Variants in SORCS3 observed in about 807,000 individuals in gnomAD.
SORCS3 encodes the protein VPS10 domain-containing receptor SorCS3.
A neutral mutation model predicts 146.3 loss-of-function variants in SORCS3; 57 were observed. That is an observed-to-expected ratio of 0.39 (90% CI 0.31 to 0.49). The LOEUF is 0.49. Ranked by LOEUF, SORCS3 falls within the 20% of genes least tolerant of loss-of-function variation. The pLI is 0.92. For synonymous variants in SORCS3, 653 were observed against 618.5 expected (o/e 1.06, Z -0.83); for missense variants, 1,341 against 1,575.5 (o/e 0.85, Z 2.52).
At chr10:104,822,608 C>A (rs2017887214) in intron 1 of SORCS3, among the ~76,000 whole-genome samples, 2 of 152,180 alleles carry the variant, frequency 1.3e-5, no homozygotes, top group Admixed American at 1.3e-4. Context: ...CAACCCAGAT[C>A]ACTTTCTGGT....
rs139738346 is a variant in SORCS3 at position 105,098,132 on chromosome 10, A to G, written c.1094-7265A>G. Among the ~76,000 whole-genome samples, 15 of 152,316 alleles carry G rather than the reference A, an allele frequency of 9.8e-5. No homozygotes were observed. The East Asian group carries it at 2.9e-3, about 29-fold the overall frequency. On this transcript the variant is annotated intron_variant, in intron 6 of 26. Coordinates refer to ENST00000369701, the MANE Select transcript of SORCS3 (RefSeq NM_014978.3). ...TAGATACATATATTATTGGCTCTTT[A>G]AAATATTGATTAATTCAATAACTTT...
chr10:105,037,160 T>A (rs1291226956), intron 4 of SORCS3, among the ~76,000 whole-genome samples: 1 of 152,082 alleles, frequency 6.6e-6, no homozygotes, highest in Non-Finnish European at 1.5e-5. Context: ...AAATGCACAG[T>A]ACAAAGAAAT....
At chr10:104,781,689 G>T (rs958675938) in intron 1 of SORCS3, among the ~76,000 whole-genome samples, 1 of 152,238 alleles carries the variant, frequency 6.6e-6, no homozygotes. Flanking sequence ...GTATCATTGT[G>T]CCTTGCTAAT....
At chr10:105,140,093 G>T (rs1377530815) in intron 8 of SORCS3, among the ~76,000 whole-genome samples, 1 of 152,156 alleles carries the variant, frequency 6.6e-6, no homozygotes, top group Non-Finnish European at 1.5e-5. Context: ...ATGGACCTTA[G>T]AACCTCAGTG....
At chr10:104,684,284 C>A (rs2016015629) in intron 1 of SORCS3, among the ~76,000 whole-genome samples, 1 of 152,232 alleles carries the variant, frequency 6.6e-6, no homozygotes, top group African/African-American at 2.4e-5. Flanking sequence ...GCATGCCTGG[C>A]ATGTGGCAGG....
chr10:104,886,842 A>G (rs1373369504), intron 2 of SORCS3, among the ~76,000 whole-genome samples: 4 of 152,176 alleles, frequency 2.6e-5, no homozygotes, highest in Non-Finnish European at 5.9e-5. Flanking sequence ...TTTTCTTTCC[A>G]CAATTTACCC....
chr10:105,025,141 G>A (rs2055218690), intron 4 of SORCS3, among the ~76,000 whole-genome samples: 1 of 152,198 alleles, frequency 6.6e-6, no homozygotes, highest in African/African-American at 2.4e-5. Flanking sequence ...TTCCTCAAGA[G>A]AGCTGTTTTC....
In SORCS3 at chr10:105,168,741, GAAA is replaced by G; in HGVS notation, c.1901+1393_1901+1395del. On this transcript the variant is annotated intron_variant, in intron 13 of 26. Transcript: ENST00000369701. ...TTGACCATTTTAAGTGAAACCGTAT[GAAA>G]TCGCCATTTTTAGGTCAAAAATGAT... 2.0e-5 allele frequency among the ~76,000 whole-genome samples: 3 copies of G among 152,224 alleles called. No homozygotes were observed. In the Middle Eastern group the frequency reaches 0.01, roughly 518 times the overall value.
intron 14 of SORCS3, 132 bp from the exon 15 acceptor site, chr10:105,199,867 G>A: frequency 1.5e-6 from 1 of 671,738 alleles, no homozygotes; most frequent in Non-Finnish European, 2.7e-6. Flanking sequence ...GGCCCTCAAG[G>A]AACTCACTTT....
At chr10:104,657,431 A>C (rs2015645294) in intron 1 of SORCS3, among the ~76,000 whole-genome samples, 1 of 152,202 alleles carries the variant, frequency 6.6e-6, no homozygotes. Context: ...TGGGAACATA[A>C]TTACGGTATA....
At chr10:104,918,402 A>C (rs2019054428) in intron 3 of SORCS3, among the ~76,000 whole-genome samples, 1 of 152,274 alleles carries the variant, frequency 6.6e-6, no homozygotes, top group South Asian at 2.1e-4. Flanking sequence ...TATTTGCATC[A>C]GCTCATCTTT....
At chr10:104,827,432 G>T (rs1021355286) in intron 1 of SORCS3, among the ~76,000 whole-genome samples, 3 of 152,244 alleles carry the variant, frequency 2.0e-5, no homozygotes, top group African/African-American at 7.2e-5. Context: ...GGGAGACCAG[G>T]TGCATTGTCA....
At chr10:105,031,074 C>T (rs2055263441) in intron 4 of SORCS3, among the ~76,000 whole-genome samples, 1 of 151,512 alleles carries the variant, frequency 6.6e-6, no homozygotes, top group Non-Finnish European at 1.5e-5. Flanking sequence ...GTGGGCGGAT[C>T]ACCTGAGGTC....
chr10:104,642,246 C>G (rs2015432813), intron 1 of SORCS3, among the ~76,000 whole-genome samples: 1 of 152,164 alleles, frequency 6.6e-6, no homozygotes. Flanking sequence ...TGCTCACTTT[C>G]TCCAATACTT....
At chr10:104,715,466 T>C (rs997291086) in intron 1 of SORCS3, among the ~76,000 whole-genome samples, 1 of 152,182 alleles carries the variant, frequency 6.6e-6, no homozygotes, top group Non-Finnish European at 1.5e-5. Context: ...CTTTCCTGGT[T>C]CTTCATCTTG....
intron 14 of SORCS3, among the ~76,000 whole-genome samples, chr10:105,188,735 C>CTG (rs2056494888): frequency 2.0e-5 from 3 of 152,130 alleles, no homozygotes; most frequent in Admixed American, 2.0e-4. Context: ...GCAGGGTTGC[C>CTG]TGTGACCTTT....
chr10:104,662,136 A>G (rs2015710646), intron 1 of SORCS3, among the ~76,000 whole-genome samples: 1 of 152,218 alleles, frequency 6.6e-6, no homozygotes, highest in South Asian at 2.1e-4. Flanking sequence ...ATACAGATGT[A>G]AGGTAGTTGA....
intron 1 of SORCS3, among the ~76,000 whole-genome samples, chr10:104,833,884 T>A (rs1383994451): frequency 6.6e-6 from 1 of 152,210 alleles, no homozygotes; most frequent in Non-Finnish European, 1.5e-5. Flanking sequence ...GAAATTAATG[T>A]CTAAAGCTCA....
chr10:105,061,818 A>G (rs141043475), intron 5 of SORCS3, among the ~76,000 whole-genome samples: 263 of 152,230 alleles, frequency 1.7e-3, no homozygotes, highest in African/African-American at 6.0e-3. Context: ...CCCTTCAGAA[A>G]TGTCCAGCCT....
Sources: allele counts gnomAD v4.1 joint callset (sites outside exome capture counted in the v4.1 genomes callset), GRCh38; gene constraint gnomAD v4.1.1; transcripts MANE v1.5; gene names NCBI Gene and HGNC (gene_info 2026-07-23, HGNC 2026-07-21).